CLCN5: variants seen among roughly 807,000 people sequenced by gnomAD.
The protein encoded by CLCN5 is Cl-/H+ antiporter 5.
Under a neutral mutation model 54.0 loss-of-function variants are expected in CLCN5, and 17 were observed. The ratio of observed to expected loss-of-function variants is 0.31; its 90% CI spans 0.22 to 0.47. The LOEUF (loss-of-function observed/expected upper bound fraction) is 0.47. Ranked by LOEUF, CLCN5 falls within the 20% of genes least tolerant of loss-of-function variation. The probability of loss-of-function intolerance (pLI) is 1.00; values close to 1 mark genes in which losing one functional copy is unlikely to be tolerated. For missense variants in CLCN5, 448 were observed against 646.7 expected (o/e 0.69, Z 3.33); for synonymous variants, 222 against 233.0 (o/e 0.95, Z 0.43).
intron 4 of CLCN5, among the ~76,000 whole-genome samples, chrX:50,064,990 T>C (rs1301489212): frequency 4.5e-5 from 5 of 110,019 alleles, no homozygotes; most frequent in African/African-American, 1.3e-4. Context: ...CCCTTCCTTA[T>C]GCCTTATACA....
rs1274588751 is a variant in CLCN5, at chrX:49,930,229, G to T, written c.16+4915G>T. Among the ~76,000 whole-genome samples, 6 of 111,990 alleles carry T rather than the reference G, an allele frequency of 5.4e-5. No individual in the cohort carries two copies. The Admixed American group carries it at 5.7e-4, about 11-fold the overall frequency. ...TTAAAAAGGAATGACAGAACTCACTGTTGGCAAGGACTCAAGGAAGCAGAT... is the reference window on the plus strand; with the variant it reads ...TTAAAAAGGAATGACAGAACTCACTTTTGGCAAGGACTCAAGGAAGCAGAT... On this transcript the variant is annotated intron_variant, in intron 3 of 14. Coordinates refer to ENST00000376091, the MANE Select transcript of CLCN5 (RefSeq NM_001127898.4).
intron 3 of CLCN5, chrX:49,945,338 C>G (rs1926637742): frequency 3.6e-5 from 4 of 112,000 alleles, no homozygotes; most frequent in African/African-American, 1.3e-4. Flanking sequence ...CTGTCCCTTT[C>G]TCTTCTAATT....
In CLCN5 at chrX:50,098,659, G is replaced by A; in HGVS notation, c.*6440G>A. 1 of 113,006 alleles carries A rather than the reference G, an allele frequency of 8.8e-6. No individual in the cohort carries two copies. Among genetic ancestry groups the A allele is most frequent in the Non-Finnish European group, 1.9e-5 (1 of 53,356 alleles). The allele number at this position is 113,006 out of a possible 1,213,427, so 9.3% of individuals were successfully genotyped here. ...AGTAGCTTCAACCAAAGCTAATAGA[G>A]CCCAAGTTTCCGCAGGAAGTTTGGT... On this transcript the variant is annotated 3_prime_UTR_variant, in exon 15 of 15. Coordinates refer to ENST00000376091, the MANE Select transcript of CLCN5 (RefSeq NM_001127898.4).
At chrX:50,001,219 A>T (rs974646442) in intron 3 of CLCN5, among the ~76,000 whole-genome samples, 1 of 110,852 alleles carries the variant, frequency 9.0e-6, no homozygotes, top group Admixed American at 9.6e-5. Context: ...TGCTCCTGCA[A>T]TTGATCCCCC....
chrX:50,046,733 AG>A (rs1557187809), intron 4 of CLCN5, among the ~76,000 whole-genome samples: 1 of 111,586 alleles, frequency 9.0e-6, no homozygotes, highest in African/African-American at 3.3e-5. Flanking sequence ...GGCAGTGTGG[AG>A]GGTGGCTTGA....
chrX:50,057,889 A>C (rs1932790681), intron 4 of CLCN5, among the ~76,000 whole-genome samples: 1 of 110,675 alleles, frequency 9.0e-6, no homozygotes, highest in South Asian at 3.9e-4. Context: ...GATGTGAAAG[A>C]GTTTATGTGA....
At chrX:49,944,964 T>C (rs1314472925) in intron 3 of CLCN5, among the ~76,000 whole-genome samples, 19 of 112,596 alleles carry the variant, frequency 1.7e-4, no homozygotes, top group African/African-American at 6.1e-4. Flanking sequence ...CTTTAACTAG[T>C]TGCTAGATAA....
Position 50,081,799 on chromosome X carries a change from G to A in CLCN5, c.885G>A (p.Leu295=). 1 of 1,211,543 alleles carries A rather than the reference G, an allele frequency of 8.3e-7. No homozygotes were observed. Among genetic ancestry groups the A allele is most frequent in the African/African-American group, 1.7e-5 (1 of 57,826 alleles). The change falls in exon 9 of 15, where the codon CTG becomes CTA. Residue 295 remains leucine, a synonymous_variant. Coordinates refer to ENST00000376091, the MANE Select transcript of CLCN5 (RefSeq NM_001127898.4). The part of the protein sequence containing the change: ...VHVACCCGNI[L]CHCFNKYRKN... ...TGGCTTGCTGCTGTGGGAACATCCTGTGCCACTGCTTCAACAAATACAGGA... is the reference window on the plus strand; with the variant it reads ...TGGCTTGCTGCTGTGGGAACATCCTATGCCACTGCTTCAACAAATACAGGA...
chrX:49,924,836 A>G (rs1408712574), intron 2 of CLCN5, among the ~76,000 whole-genome samples: 3 of 111,991 alleles, frequency 2.7e-5, no homozygotes, highest in African/African-American at 9.8e-5. Flanking sequence ...AGGGCACTGG[A>G]TATTAATGTT....
chrX:49,969,507 T>G (rs782747002), intron 3 of CLCN5, among the ~76,000 whole-genome samples: 4 of 112,678 alleles, frequency 3.5e-5, no homozygotes, highest in Non-Finnish European at 5.6e-5. Flanking sequence ...TTCCTTTTGA[T>G]TACTTCTTTG....
rs146665148 is a variant in CLCN5, at chrX:49,995,688, A to G, written c.17-46628A>G. On this transcript the variant is annotated intron_variant, in intron 3 of 14. Transcript: ENST00000376091. ...CGTAATAAGTTTATGTAGCAAATGA[A>G]TAGTGTAACTGTGTCTATTTTTACA... is the stretch of plus-strand genomic sequence containing the variant. Among the ~76,000 whole-genome samples, 566 of 112,372 alleles carry G rather than the reference A, an allele frequency of 5.0e-3. 2 individuals carry two copies. The highest frequency in any genetic ancestry group is 0.017 in the African/African-American group (541 of 30,923).
chrX:50,018,908 T>C (rs1930923517), intron 3 of CLCN5, among the ~76,000 whole-genome samples: 1 of 111,853 alleles, frequency 8.9e-6, no homozygotes, highest in African/African-American at 3.2e-5. Flanking sequence ...TATTGGTCTG[T>C]AGTTTAGCTT....
At chrX:50,048,143 C>T (rs782195893) in intron 4 of CLCN5, among the ~76,000 whole-genome samples, 1 of 111,994 alleles carries the variant, frequency 8.9e-6, no homozygotes, top group Non-Finnish European at 1.9e-5. Flanking sequence ...CACCTCAGAT[C>T]ATCAGGCATT....
intron 3 of CLCN5, among the ~76,000 whole-genome samples, chrX:49,939,800 TCTAA>T (rs1241162045): frequency 9.0e-6 from 1 of 111,592 alleles, no homozygotes; most frequent in African/African-American, 3.3e-5. Flanking sequence ...TGCCCGGTAG[TCTAA>T]CTTTGTCATT....
At chrX:50,036,961 C>T (rs112920105) in intron 3 of CLCN5, among the ~76,000 whole-genome samples, 2 of 111,959 alleles carry the variant, frequency 1.8e-5, no homozygotes, top group African/African-American at 6.5e-5. Context: ...TGCCTGCTTG[C>T]GAGGTTGAGT....
intron 4 of CLCN5, 77 bp from the exon 5 acceptor site, chrX:50,069,802 C>T (rs1263394507): frequency 2.7e-6 from 3 of 1,108,393 alleles, no homozygotes; most frequent in Non-Finnish European, 3.5e-6. Context: ...AAGGGCCCGC[C>T]TTTTGGAACC....
At chrX:50,060,198 G>A (rs911567869) in intron 4 of CLCN5, among the ~76,000 whole-genome samples, 9 of 102,796 alleles carry the variant, frequency 8.8e-5, no homozygotes, top group Admixed American at 1.0e-4. Context: ...AGCTCCCAGC[G>A]TGAGCGACGC....
intron 4 of CLCN5, among the ~76,000 whole-genome samples, chrX:50,043,407 A>C (rs1216462853): frequency 8.9e-6 from 1 of 112,301 alleles, no homozygotes; most frequent in African/African-American, 3.2e-5. Flanking sequence ...TTTTTGTCGC[A>C]TAAGTGTATG....
intron 6 of CLCN5, among the ~76,000 whole-genome samples, chrX:50,073,003 C>A (rs1456194156): frequency 9.1e-6 from 1 of 109,995 alleles, no homozygotes; most frequent in Non-Finnish European, 1.9e-5. Flanking sequence ...TTTGGTGATG[C>A]AGAAAAGCAT....
Sources: gnomAD v4.1 joint callset for allele counts (sites outside exome capture counted in the v4.1 genomes callset) on GRCh38, gnomAD v4.1.1 for gene constraint, MANE v1.5 for transcripts, NCBI Gene and HGNC (gene_info 2026-07-23, HGNC 2026-07-21) for gene names.